Variants in LRMDA observed in about 807,000 individuals in gnomAD.
LRMDA encodes leucine rich melanocyte differentiation associated.
Under a neutral mutation model 29.8 loss-of-function variants are expected in LRMDA, and 18 were observed. That is an observed-to-expected ratio of 0.60 (90% CI 0.42 to 0.90). The LOEUF (loss-of-function observed/expected upper bound fraction) is 0.90. Among genes scored for constraint, LRMDA ranks in the 40% least tolerant of loss-of-function variants. The probability of loss-of-function intolerance (pLI) is 0.00; values close to 1 mark genes in which losing one functional copy is unlikely to be tolerated. For missense variants in LRMDA, 273 were observed against 273.9 expected, an observed-to-expected ratio of 1.00 and a Z score of 0.02; for synonymous variants, 125 against 109.4, an observed-to-expected ratio of 1.14 and a Z score of -0.89.
chr10:75,999,499 A>G (rs1223753809), intron 2 of LRMDA, among the ~76,000 whole-genome samples: 1 of 152,244 alleles, frequency 6.6e-6, no homozygotes, highest in African/African-American at 2.4e-5. Flanking sequence ...ATTGATTTGA[A>G]TGAAAAAAAT....
intron 2 of LRMDA, among the ~76,000 whole-genome samples, chr10:75,791,041 C>T (rs548103553): frequency 6.6e-6 from 1 of 152,338 alleles, no homozygotes; most frequent in South Asian, 2.1e-4. Context: ...TCATTCCGAG[C>T]TATGGGGGCT....
intron 2 of LRMDA, among the ~76,000 whole-genome samples, chr10:75,520,465 G>A (rs993559433): frequency 5.9e-5 from 9 of 151,984 alleles, no homozygotes; most frequent in African/African-American, 1.9e-4. Flanking sequence ...CCACTTGATC[G>A]AATCAGCTAT....
chr10:76,509,151 G>T (rs558765516), intron 6 of LRMDA, among the ~76,000 whole-genome samples: 2 of 152,036 alleles, frequency 1.3e-5, no homozygotes, highest in African/African-American at 4.8e-5. Context: ...CACTTTGTTC[G>T]CAGCACTGAG....
chr10:76,132,966 CTTTTTTTTTTT>C (rs35997711), intron 5 of LRMDA, among the ~76,000 whole-genome samples: 9 of 57,378 alleles, frequency 1.6e-4, no homozygotes, highest in Non-Finnish European at 1.9e-4. Flanking sequence ...CCACGCCCGG[CTTTTTTTTTTT>C]TTTTTTTTTT....
At chr10:75,492,723 C>T (rs1383138052) in intron 2 of LRMDA, among the ~76,000 whole-genome samples, 1 of 152,166 alleles carries the variant, frequency 6.6e-6, no homozygotes, top group African/African-American at 2.4e-5. Flanking sequence ...GTTCCCTGCC[C>T]ATGGTGTGGG....
intron 2 of LRMDA, among the ~76,000 whole-genome samples, chr10:75,646,566 A>G (rs1195370143): frequency 6.6e-6 from 1 of 152,220 alleles, no homozygotes; most frequent in Non-Finnish European, 1.5e-5. Context: ...TGTCTTTTGC[A>G]ATCTGATATC....
chr10:75,923,277 A>G (rs1241833641), intron 2 of LRMDA, among the ~76,000 whole-genome samples: 1 of 152,224 alleles, frequency 6.6e-6, no homozygotes, highest in Non-Finnish European at 1.5e-5. Flanking sequence ...CTGCACTGGG[A>G]ATATTCTTTG....
chr10:76,380,681 A>G (rs1270945491), intron 6 of LRMDA, among the ~76,000 whole-genome samples: 5 of 151,218 alleles, frequency 3.3e-5, no homozygotes, highest in Non-Finnish European at 7.4e-5. Flanking sequence ...AAAAAAAAAA[A>G]AAAAAAAAAA....
chr10:76,433,608 T>C (rs1842214403), intron 6 of LRMDA: 1 of 152,222 alleles, frequency 6.6e-6, no homozygotes, highest in African/African-American at 2.4e-5. Flanking sequence ...ACTCTGGTTA[T>C]CTGGTAATCA....
intron 5 of LRMDA, among the ~76,000 whole-genome samples, chr10:76,060,377 A>AC: frequency 6.6e-6 from 1 of 151,754 alleles, no homozygotes; most frequent in Middle Eastern, 3.4e-3. Context: ...GTGCATGCCC[A>AC]CCCCCCATTC....
At chr10:75,567,413 A>G (rs1840387512) in intron 2 of LRMDA, among the ~76,000 whole-genome samples, 2 of 152,322 alleles carry the variant, frequency 1.3e-5, no homozygotes, top group South Asian at 2.1e-4. Context: ...TCTAATACCA[A>G]TTATCACAGG....
chr10:75,881,490 C>A (rs181084612), intron 2 of LRMDA, among the ~76,000 whole-genome samples: 1 of 152,168 alleles, frequency 6.6e-6, no homozygotes, highest in Non-Finnish European at 1.5e-5. Flanking sequence ...ATCTCTCCCC[C>A]CCACTACCCC....
chr10:75,792,580 A>G (rs1267096251), intron 2 of LRMDA, among the ~76,000 whole-genome samples: 1 of 152,048 alleles, frequency 6.6e-6, no homozygotes, highest in Non-Finnish European at 1.5e-5. Context: ...TTTTTTAACC[A>G]TTGAACACCT....
chr10:76,194,038 G>A (rs1360193472), intron 5 of LRMDA, among the ~76,000 whole-genome samples: 1 of 152,210 alleles, frequency 6.6e-6, no homozygotes, highest in Non-Finnish European at 1.5e-5. Flanking sequence ...ACAGAGACTT[G>A]AAGGGACAGG....
chr10:76,275,154 T>A (rs1159857652), intron 5 of LRMDA, among the ~76,000 whole-genome samples: 1 of 152,132 alleles, frequency 6.6e-6, no homozygotes, highest in Non-Finnish European at 1.5e-5. Flanking sequence ...AGTTTTAGGC[T>A]ATATATGATT....
intron 2 of LRMDA, among the ~76,000 whole-genome samples, chr10:75,881,485 TC>T (rs956428807): frequency 6.6e-6 from 1 of 151,438 alleles, no homozygotes; most frequent in Admixed American, 6.6e-5. Flanking sequence ...TGCAAATCTC[TC>T]CCCCCCACTA....
At chr10:76,107,895 C>G (rs116502774) in intron 5 of LRMDA, among the ~76,000 whole-genome samples, 117 of 152,250 alleles carry the variant, frequency 7.7e-4, no homozygotes, top group African/African-American at 2.7e-3. Flanking sequence ...CATTCAAGAC[C>G]ATTTGTGTTG....
At position 76,496,496 on chromosome 10, in the gene LRMDA, G is replaced by C. The variant is rs572444451; in HGVS notation, c.602-60713G>C. ...CGTTGCTCTATATCCAATGTCTTTC[G>C]TATATTTTGTTCAGTATTTTAGTTG... On this transcript the variant is annotated intron_variant, in intron 6 of 6. Transcript: ENST00000611255. 5.3e-5 allele frequency among the ~76,000 whole-genome samples: 4 copies of C among 75,180 alleles called. 1 individual carries two copies. The highest frequency in any genetic ancestry group is 1.8e-4 in the Non-Finnish European group (4 of 22,644). 49.3% of individuals were successfully genotyped at this position (75,180 alleles called of 152,430 possible). A position where few individuals can be genotyped will look rare whatever the true frequency, so the allele number is the denominator to read the frequency against.
At chr10:76,215,695 G>A (rs973022903) in intron 5 of LRMDA, among the ~76,000 whole-genome samples, 2 of 152,112 alleles carry the variant, frequency 1.3e-5, no homozygotes, top group African/African-American at 2.4e-5. Flanking sequence ...ACTTAACCAC[G>A]TTGTTCTTGA....
Sources: gnomAD v4.1 joint callset for allele counts (sites outside exome capture counted in the v4.1 genomes callset) on GRCh38, gnomAD v4.1.1 for gene constraint, MANE v1.5 for transcripts, NCBI Gene and HGNC (gene_info 2026-07-23, HGNC 2026-07-21) for gene names.